Variants in ZC3H7A observed in about 807,000 individuals in gnomAD.
ZC3H7A encodes zinc finger CCCH domain-containing protein 7A.
ZC3H7A carries 44 observed loss-of-function variants against 125.5 expected under a neutral mutation model. The observed-to-expected ratio is 0.35, with a 90% CI of 0.28 to 0.45. The LOEUF is 0.45. Among genes scored for constraint, ZC3H7A ranks in the 20% least tolerant of loss-of-function variants. The pLI is 1.00. For missense variants in ZC3H7A, 977 were observed against 1,170.7 expected (o/e 0.83, Z 2.41); for synonymous variants, 399 against 391.2 (o/e 1.02, Z -0.23).
At chr16:11,785,512 AAT>A (rs2053244069) in intron 1 of ZC3H7A, among the ~76,000 whole-genome samples, 1 of 152,076 alleles carries the variant, frequency 6.6e-6, no homozygotes, top group African/African-American at 2.4e-5. Context: ...TCTCAAAAAT[AAT>A]ATTTTTTTAA....
rs149624630 is a variant in ZC3H7A at position 11,765,598 on chromosome 16, C to T, written c.1610G>A (p.Arg537Gln). ...QEEIDVWTLE[R>Q]KGAFSREAFF... ...AGCCTCCCGGCTGAATGCTCCTTTC[C>T]GCTCCAGTGTCCACACATCTATCTC... is the stretch of plus-strand genomic sequence containing the variant. The change falls in exon 14 of 23, where the codon CGG (arginine) becomes CAG (glutamine). Residue 537 changes from arginine to glutamine, a missense_variant. By Grantham distance (43) the Arg-to-Gln change is conservative. Around this residue, in one of 3 missense-constraint regions of ZC3H7A, gnomAD observed 436 missense variants for 603.2 expected, o/e 0.72. Transcript: ENST00000355758. This position sits in a 1 kb window ranked among gnomAD's most constrained non-coding sequence, Gnocchi z 4.8. The T allele has an allele frequency of 3.8e-4, 613 of 1,614,154 alleles. 7 individuals carry two copies. In the East Asian group the frequency reaches 0.013, roughly 34 times the overall value.
chr16:11,770,991 CG>C lies in ZC3H7A; in HGVS notation c.904-5del. ...GTCCTCTGACTAAAGCTGACGGCTG[CG>C]GAAGAAAAAAAGATGTGATTAAAAT... On this transcript the variant is annotated splice_region_variant and splice_polypyrimidine_tract_variant and intron_variant, in intron 9 of 22. Coordinates refer to ENST00000355758, the MANE Select transcript of ZC3H7A (RefSeq NM_014153.4). The C allele has an allele frequency of 6.3e-7, 1 of 1,581,660 alleles. No homozygotes were observed. The highest frequency in any genetic ancestry group is 8.6e-7 in the Non-Finnish European group (1 of 1,167,868).
chr16:11,775,895 C>G (rs563861214), intron 7 of ZC3H7A, among the ~76,000 whole-genome samples: 1 of 152,292 alleles, frequency 6.6e-6, no homozygotes, highest in South Asian at 2.1e-4. Context: ...AGATGGCTCA[C>G]GCCTGTGATC....
At position 11,797,120 on chromosome 16, in the gene ZC3H7A, C is replaced by T. The variant is rs1159023286; in HGVS notation, c.-35+4G>A. Reference sequence around the variant, plus strand: ...CATGCCCGGCGGCGTCCCCCTACCCCTACCTGTGGGGACGACGCGCCGGCC... The same window carrying T: ...CATGCCCGGCGGCGTCCCCCTACCCTTACCTGTGGGGACGACGCGCCGGCC... On this transcript the variant is annotated splice_donor_region_variant and intron_variant, in intron 1 of 22. Coordinates refer to ENST00000355758, the MANE Select transcript of ZC3H7A (RefSeq NM_014153.4). 3 of 149,272 alleles carry T rather than the reference C, an allele frequency of 2.0e-5. No homozygotes were observed. Among genetic ancestry groups the T allele is most frequent in the African/African-American group, 7.3e-5 (3 of 40,820 alleles). 9.2% of individuals were successfully genotyped at this position (149,272 alleles called of 1,614,324 possible).
In ZC3H7A at chr16:11,758,424, A is replaced by G; in HGVS notation, c.2428+7T>C. On this transcript the variant is annotated splice_region_variant and intron_variant, in intron 20 of 22. Coordinates refer to ENST00000355758, the MANE Select transcript of ZC3H7A (RefSeq NM_014153.4). Reference sequence around the variant, plus strand: ...AGCTCAAGGACACAGCTAAAAGATTAACTTACTCCCATTCTCCTTCATGTA... The same window carrying G: ...AGCTCAAGGACACAGCTAAAAGATTGACTTACTCCCATTCTCCTTCATGTA... 2.5e-6 allele frequency: 4 copies of G among 1,599,252 alleles called. No homozygotes were observed. The highest frequency in any genetic ancestry group is 3.4e-6 in the Non-Finnish European group (4 of 1,166,604).
intron 10 of ZC3H7A, 83 bp from the exon 11 acceptor site, chr16:11,769,178 T>C: frequency 8.3e-7 from 1 of 1,200,538 alleles, no homozygotes; most frequent in Non-Finnish European, 1.2e-6. Flanking sequence ...TTACTGGCTA[T>C]GGCCTCCCAC....
intron 1 of ZC3H7A, among the ~76,000 whole-genome samples, chr16:11,794,613 G>A (rs368643731): frequency 3.2e-4 from 49 of 152,232 alleles, no homozygotes; most frequent in African/African-American, 1.2e-3. Context: ...ACATCATACT[G>A]TCTCTAGAAA....
chr16:11,762,090 G>T, intron 17 of ZC3H7A, 47 bp from the exon 18 acceptor site: 1 of 1,507,034 alleles, frequency 6.6e-7, no homozygotes. Context: ...CAGAAAACCA[G>T]TTTTCTGATG....
intron 12 of ZC3H7A, 79 bp downstream of exon 12, chr16:11,768,236 T>A: frequency 7.8e-7 from 1 of 1,279,944 alleles, no homozygotes; most frequent in Non-Finnish European, 1.0e-6. Context: ...GTTGTTAACA[T>A]GTATTTACAA....
At chr16:11,780,441 C>A (rs2053157262) in intron 3 of ZC3H7A, among the ~76,000 whole-genome samples, 1 of 152,060 alleles carries the variant, frequency 6.6e-6, no homozygotes, top group Non-Finnish European at 1.5e-5. Context: ...ATTTTAAAAG[C>A]TCTTTTTCAT....
Position 11,765,549 on chromosome 16 carries a change from A to G in ZC3H7A, c.1659T>C (p.Ile553=), listed in dbSNP as rs746546616. The change falls in exon 14 of 23, where the codon ATT becomes ATC. Residue 553 remains isoleucine (I), a synonymous_variant. Coordinates refer to ENST00000355758, the MANE Select transcript of ZC3H7A (RefSeq NM_014153.4). The surrounding 1 kb of genome is among the most constrained non-coding windows in gnomAD (Gnocchi z 4.8). ...REAFFGGNGK[I]NLTVFKLLQE... ...GGAGAAGTTTGAACACAGTAAGGTT[A>G]ATCTTTCCATTGCCGCCAAAGAAAG... The G allele has an allele frequency of 6.2e-7, 1 of 1,614,236 alleles. No individual in the cohort carries two copies. Among genetic ancestry groups the G allele is most frequent in the South Asian group, 1.1e-5 (1 of 91,086 alleles).
chr16:11,784,324 T>A (rs1022520509), intron 1 of ZC3H7A, among the ~76,000 whole-genome samples: 4 of 152,164 alleles, frequency 2.6e-5, no homozygotes, highest in Non-Finnish European at 4.4e-5. Context: ...AATGCTTTTT[T>A]AAAAAAATTT....
At chr16:11,757,483 C>CAAAA (rs61471026) in intron 20 of ZC3H7A, among the ~76,000 whole-genome samples, 7 of 40,958 alleles carry the variant, frequency 1.7e-4, no homozygotes, top group East Asian at 6.6e-4. Flanking sequence ...GACTCTGTCT[C>CAAAA]AAAAAAAAAA....
At chr16:11,789,170 T>A (rs2053309572) in intron 1 of ZC3H7A, among the ~76,000 whole-genome samples, 1 of 152,202 alleles carries the variant, frequency 6.6e-6, no homozygotes, top group African/African-American at 2.4e-5. Flanking sequence ...GGGTGAAGGG[T>A]TCATGGGACT....
At chr16:11,776,675 A>C (rs2141201157) in intron 5 of ZC3H7A, 76 bp downstream of exon 5, 1 of 1,531,220 alleles carries the variant, frequency 6.5e-7, no homozygotes, top group South Asian at 1.3e-5. Context: ...GATGACTGGA[A>C]AATTTAACTC....
intron 19 of ZC3H7A, among the ~76,000 whole-genome samples, chr16:11,760,454 A>G (rs1035532398): frequency 6.6e-6 from 1 of 152,242 alleles, no homozygotes; most frequent in South Asian, 2.1e-4. Flanking sequence ...CAAACCTACC[A>G]ACGCCTTGAA....
chr16:11,762,474 AGCATTGTGG>A (rs1368062176), intron 17 of ZC3H7A, among the ~76,000 whole-genome samples, 188 bp downstream of exon 17: 56 of 152,348 alleles, frequency 3.7e-4, no homozygotes, highest in African/African-American at 1.3e-3. Flanking sequence ...ACTCTTGGCA[AGCATTGTGG>A]GCTGCATAAT....
chr16:11,785,269 G>T (rs955410511), intron 1 of ZC3H7A, among the ~76,000 whole-genome samples: 3 of 152,116 alleles, frequency 2.0e-5, no homozygotes, highest in Non-Finnish European at 4.4e-5. Context: ...AGCCTGTGAG[G>T]TCGAGGTTGC....
intron 21 of ZC3H7A, among the ~76,000 whole-genome samples, chr16:11,755,833 G>A (rs1315914910): frequency 6.6e-6 from 1 of 152,174 alleles, no homozygotes; most frequent in Non-Finnish European, 1.5e-5. Context: ...GAGAAGGGCA[G>A]GCAGTGAGTG....
Sources: allele counts gnomAD v4.1 joint callset (sites outside exome capture counted in the v4.1 genomes callset), GRCh38; gene constraint gnomAD v4.1.1; regional missense constraint gnomAD v4.1.1; non-coding constraint Gnocchi (gnomAD v3.1); transcripts MANE v1.5; gene names NCBI Gene and HGNC (gene_info 2026-07-23, HGNC 2026-07-21).